IP6K3: variants seen among roughly 807,000 people sequenced by gnomAD.
IP6K3 encodes ATP:1D-myo-inositol-hexakisphosphate phosphotransferase.
A neutral mutation model predicts 28.8 loss-of-function variants in IP6K3; 20 were observed. The ratio of observed to expected loss-of-function variants is 0.70; its 90% CI spans 0.49 to 1.01. The LOEUF (loss-of-function observed/expected upper bound fraction) is 1.01. IP6K3 is among the 50% of genes least tolerant of loss of function. IP6K3 has a pLI of 0.00. For missense variants in IP6K3, 480 were observed against 537.1 expected (o/e 0.89, Z 1.05); for synonymous variants, 213 against 221.3 (o/e 0.96, Z 0.33).
chr6:33,729,028 C>T (rs909162882), intron 2 of IP6K3, among the ~76,000 whole-genome samples: 32 of 152,318 alleles, frequency 2.1e-4, no homozygotes, highest in African/African-American at 7.5e-4. Context: ...GTACATCCTA[C>T]CATCGGTGTT....
intron 2 of IP6K3, among the ~76,000 whole-genome samples, chr6:33,731,665 C>T (rs937849325): frequency 1.3e-5 from 2 of 152,092 alleles, no homozygotes; most frequent in Non-Finnish European, 2.9e-5. Flanking sequence ...AGTCGGGGAC[C>T]CCAAGTAGAT....
chr6:33,737,358 C>T (rs1040056697), intron 1 of IP6K3, among the ~76,000 whole-genome samples: 3 of 140,608 alleles, frequency 2.1e-5, no homozygotes, highest in African/African-American at 8.5e-5. Context: ...GCCCTGAGAG[C>T]ACATTCCCAC....
Position 33,722,816 on chromosome 6 carries a change from C to G in IP6K3, c.1137G>C (p.Trp379Cys). 6.2e-7 allele frequency: 1 copy of G among 1,614,174 alleles called. No individual in the cohort carries two copies. The change falls in exon 6 of 6, where the codon TGG becomes TGC. Residue 379 changes from tryptophan (W) to cysteine (C), a missense_variant. Physicochemically the swap from Trp to Cys is radical, Grantham distance 215 (BLOSUM62 -2). Transcript: ENST00000293756. ...DFAHTTYKGY[W>C]NEHTTYDGPD... is the part of the protein sequence containing the mutation. ...GTCCATCGTAGGTGGTGTGCTCATT[C>G]CAGTAGCCCTTGTATGTGGTATGAG...
chr6:33,759,608 A>T, the IP6K3 span, among the ~76,000 whole-genome samples: 1 of 152,192 alleles, frequency 6.6e-6, no homozygotes, highest in Non-Finnish European at 1.5e-5. Context: ...TCATGCCTAT[A>T]ATCCCAGCAC....
chr6:33,728,047 C>T lies in IP6K3; in HGVS notation c.413+40G>A, dbSNP rs754095556. ...AGGTGGGAGCAGTGCCGGTCCCTGC[C>T]GAGGGACAGGGTTTCTGTCATCCTG... On this transcript the variant is annotated intron_variant, in intron 3 of 5. Coordinates refer to ENST00000293756, the MANE Select transcript of IP6K3 (RefSeq NM_054111.5). 31 of 1,588,584 alleles carry T rather than the reference C, an allele frequency of 2.0e-5. No homozygotes were observed. The African/African-American group carries it at 2.7e-4, about 14-fold the overall frequency.
intron 2 of IP6K3, among the ~76,000 whole-genome samples, chr6:33,729,027 A>G (rs1401645044): frequency 6.6e-6 from 1 of 152,238 alleles, no homozygotes; most frequent in Non-Finnish European, 1.5e-5. Flanking sequence ...GGTACATCCT[A>G]CCATCGGTGT....
Position 33,723,040 on chromosome 6 carries a change from G to T in IP6K3, c.913C>A (p.Gln305Lys). 1.9e-6 allele frequency: 3 copies of T among 1,614,140 alleles called. No homozygotes were observed. Among genetic ancestry groups the T allele is most frequent in the Non-Finnish European group, 2.5e-6 (3 of 1,180,022 alleles). Residue 305 changes from glutamine to lysine, a missense_variant, in exon 6 of 6, where the codon CAG becomes AAG. By Grantham distance (53) the Gln-to-Lys change is moderately conservative. Transcript: ENST00000293756. ...RRELLEPILH[Q>K]LRALLSVIRS... Reference sequence around the variant, plus strand: ...ATGACAGAGAGGAGGGCCCGGAGCTGGTGCAGGATGGGCTCCAGGAGCTCC... The same window carrying T: ...ATGACAGAGAGGAGGGCCCGGAGCTTGTGCAGGATGGGCTCCAGGAGCTCC...
rs147297432 is a variant in IP6K3 at position 33,728,197 on chromosome 6, C to T, written c.303G>A (p.Ser101=). The change falls in exon 3 of 6, where the codon TCG becomes TCA. Residue 101 remains serine (S), a synonymous_variant. Coordinates refer to ENST00000293756, the MANE Select transcript of IP6K3 (RefSeq NM_054111.5). ...GCGTCTGCCATATGGCCACCGCCGC[C>T]GACTCTGTGGAGACCTTGAAGGGCT... is the stretch of plus-strand genomic sequence containing the variant. ...SQEPFKVSTE[S]AAVAIWQTLQ... is the part of the protein sequence containing the mutation. 4.0e-5 allele frequency: 64 copies of T among 1,613,932 alleles called. No homozygotes were observed. Among genetic ancestry groups the T allele is most frequent in the Admixed American group, 1.3e-4 (8 of 60,012 alleles).
At chr6:33,752,619 A>C in the IP6K3 span, among the ~76,000 whole-genome samples, 1 of 152,234 alleles carries the variant, frequency 6.6e-6, no homozygotes, top group Non-Finnish European at 1.5e-5. Context: ...AAGAGGTGAG[A>C]GGCCCTGCCT....
chr6:33,748,989 T>C (rs1249148919), upstream of IP6K3, among the ~76,000 whole-genome samples: 1 of 152,116 alleles, frequency 6.6e-6, no homozygotes, highest in East Asian at 1.9e-4. Context: ...TGTGCTGGGC[T>C]CCGGTTACCT....
chr6:33,727,738 T>G (rs1766169941), intron 3 of IP6K3: 1 of 739,064 alleles, frequency 1.4e-6, no homozygotes. Context: ...CTACATACAC[T>G]ATTCTAGGGT....
At chr6:33,751,484 G>A (rs988431717), upstream of IP6K3, among the ~76,000 whole-genome samples, 6 of 34,120 alleles carry the variant, frequency 1.8e-4, no homozygotes, top group Non-Finnish European at 4.5e-4. This position sits in a 1 kb window ranked among gnomAD's most constrained non-coding sequence, Gnocchi z 4.3. Context: ...TCTGCAGGCC[G>A]TGTGTGTGTG....
At chr6:33,741,528 C>G (rs1351350272) in intron 1 of IP6K3, among the ~76,000 whole-genome samples, 2 of 151,964 alleles carry the variant, frequency 1.3e-5, no homozygotes, top group East Asian at 3.9e-4. Flanking sequence ...TGCCTGTAAT[C>G]CCAGCTACTC....
the IP6K3 span, among the ~76,000 whole-genome samples, chr6:33,752,345 A>G: frequency 6.6e-6 from 1 of 152,132 alleles, no homozygotes; most frequent in Admixed American, 6.5e-5. Context: ...TCTAGGGTGG[A>G]GGGCCTCTTT....
chr6:33,759,885 G>A, the IP6K3 span, among the ~76,000 whole-genome samples: 2 of 151,388 alleles, frequency 1.3e-5, no homozygotes, highest in African/African-American at 2.4e-5. Context: ...AAAAAAAAAA[G>A]GAGGGGAAAG....
At chr6:33,760,065 C>T in the IP6K3 span, among the ~76,000 whole-genome samples, 1 of 152,184 alleles carries the variant, frequency 6.6e-6, no homozygotes. Flanking sequence ...GAGACAGATG[C>T]CGATGTGAAA....
chr6:33,736,079 T>C (rs566834703), intron 1 of IP6K3, among the ~76,000 whole-genome samples: 320 of 152,314 alleles, frequency 2.1e-3, no homozygotes, highest in African/African-American at 7.5e-3. Flanking sequence ...TTGCCTGGGC[T>C]GGTCTCAAAC....
chr6:33,723,267 G>A, intron 5 of IP6K3, 80 bp from the exon 6 acceptor site: 5 of 934,352 alleles, frequency 5.4e-6, no homozygotes, highest in Non-Finnish European at 7.8e-6. Context: ...AGCATCATAA[G>A]CTGGGATAAT....
intron 4 of IP6K3, among the ~76,000 whole-genome samples, chr6:33,726,323 G>C (rs529833833): frequency 1.3e-4 from 20 of 152,300 alleles, no homozygotes; most frequent in Admixed American, 5.2e-4. Context: ...AGAATTTGGA[G>C]GGATGGAAGG....
Sources: allele counts gnomAD v4.1 joint callset (sites outside exome capture counted in the v4.1 genomes callset), GRCh38; gene constraint gnomAD v4.1.1; non-coding constraint Gnocchi (gnomAD v3.1); transcripts MANE v1.5; gene names NCBI Gene and HGNC (gene_info 2026-07-23, HGNC 2026-07-21).